Variants in UTP4 observed in about 807,000 individuals in gnomAD.
UTP4 encodes U3 small nucleolar RNA-associated protein 4 homolog.
Under a neutral mutation model 82.4 loss-of-function variants are expected in UTP4, and 45 were observed. The observed-to-expected ratio is 0.55, with a 90% confidence interval of 0.43 to 0.70. UTP4 has a LOEUF of 0.70. Among genes scored for constraint, UTP4 ranks in the 30% least tolerant of loss-of-function variants. The pLI, the probability that UTP4 is intolerant of heterozygous loss-of-function variation, is 0.00. For synonymous variants in UTP4, 348 were observed against 300.3 expected, an observed-to-expected ratio of 1.16 and a Z score of -1.64; for missense variants, 819 against 858.3, an observed-to-expected ratio of 0.95 and a Z score of 0.57.
intron 14 of UTP4, 27 bp downstream of exon 14, chr16:69,163,205 TC>T: frequency 6.4e-7 from 1 of 1,553,248 alleles, no homozygotes; most frequent in Non-Finnish European, 8.9e-7. Flanking sequence ...TGCTTTCTAT[TC>T]CCTTCCTGCT....
At chr16:69,147,297 A>G (rs1963145305) in intron 6 of UTP4, among the ~76,000 whole-genome samples, 1 of 151,698 alleles carries the variant, frequency 6.6e-6, no homozygotes, top group Non-Finnish European at 1.5e-5. Flanking sequence ...TGAGCTCAGG[A>G]GTTCCAGACC....
At chr16:69,157,059 GC>G (rs1567378372) in intron 11 of UTP4, 24 bp from the exon 12 acceptor site, 2 of 1,613,792 alleles carry the variant, frequency 1.2e-6, no homozygotes, top group Non-Finnish European at 8.5e-7. Context: ...TCTCTCACTG[GC>G]TTTTATTATT....
Position 69,139,911 on chromosome 16 carries a change from T to C in UTP4, c.523T>C (p.Ser175Pro). 1 of 1,609,290 alleles carries C rather than the reference T, an allele frequency of 6.2e-7. No individual in the cohort carries two copies. Among genetic ancestry groups the C allele is most frequent in the Non-Finnish European group, 8.5e-7 (1 of 1,175,582 alleles). Residue 175 changes from serine (S) to proline (P), a missense_variant, in exon 5 of 17, where the codon TCA (serine) becomes CCA (proline). By Grantham distance (74) the Ser-to-Pro change is moderately conservative (BLOSUM62 -1). Transcript: ENST00000314423. ...IDYISVFDVKSGSAVHKMIVD... is the reference protein window; with the variant it reads ...IDYISVFDVKPGSAVHKMIVD... ...CTACATTAGTGTGTTTGATGTCAAA[T>C]CAGGTGATTGTTTTTTTCAGTTCAT... is the stretch of plus-strand genomic sequence containing the variant.
At chr16:69,168,390 T>C (rs1408887458) in intron 16 of UTP4, among the ~76,000 whole-genome samples, 2 of 134,968 alleles carry the variant, frequency 1.5e-5, no homozygotes, top group Non-Finnish European at 3.1e-5. Flanking sequence ...GAGCCGAGAT[T>C]GCGCCACTGC....
At chr16:69,155,547 C>A (rs1467657415) in intron 10 of UTP4, among the ~76,000 whole-genome samples, 1 of 152,122 alleles carries the variant, frequency 6.6e-6, no homozygotes, top group Non-Finnish European at 1.5e-5. Context: ...TACTTCAAAC[C>A]ACCTATCCTC....
intron 8 of UTP4, among the ~76,000 whole-genome samples, chr16:69,152,458 G>GTTTTT (rs1963297668): frequency 8.1e-6 from 1 of 123,436 alleles, no homozygotes; most frequent in African/African-American, 3.1e-5. Flanking sequence ...GCTAATTTCT[G>GTTTTT]TTTTTCTTTT....
chr16:69,140,556 A>C (rs1962931996), intron 5 of UTP4, among the ~76,000 whole-genome samples: 1 of 152,032 alleles, frequency 6.6e-6, no homozygotes. Flanking sequence ...TCTCTACTAA[A>C]AATACAAAAT....
intron 2 of UTP4, among the ~76,000 whole-genome samples, chr16:69,135,381 T>C (rs967050116): frequency 6.6e-6 from 1 of 152,068 alleles, no homozygotes; most frequent in African/African-American, 2.4e-5. Flanking sequence ...TGCTTAGCTC[T>C]GTCAGTGACT....
At chr16:69,156,154 C>CCTTT (rs1963407501) in intron 11 of UTP4, among the ~76,000 whole-genome samples, 161 bp downstream of exon 11, 1 of 130,476 alleles carries the variant, frequency 7.7e-6, no homozygotes, top group Non-Finnish European at 1.6e-5. Context: ...TTCTTTCTTT[C>CCTTT]TTTTTTTTTT....
chr16:69,150,425 G>C, intron 6 of UTP4, 112 bp from the exon 7 acceptor site: 1 of 1,180,094 alleles, frequency 8.5e-7, no homozygotes, highest in South Asian at 1.2e-5. Context: ...CTTTCCTACT[G>C]ATTCTGGGCA....
intron 6 of UTP4, among the ~76,000 whole-genome samples, chr16:69,145,830 G>A (rs181373941): frequency 2.0e-5 from 3 of 152,268 alleles, no homozygotes; most frequent in Admixed American, 2.0e-4. Context: ...AGGCTTTGGA[G>A]CCAGATGGCC....
intron 13 of UTP4, among the ~76,000 whole-genome samples, chr16:69,162,877 C>T (rs1963599280): frequency 7.0e-6 from 1 of 143,696 alleles, no homozygotes; most frequent in Admixed American, 7.1e-5. Flanking sequence ...GTGACAAGAG[C>T]GAAACTCCAT....
At chr16:69,141,269 C>T (rs1361386760) in intron 5 of UTP4, among the ~76,000 whole-genome samples, 1 of 152,214 alleles carries the variant, frequency 6.6e-6, no homozygotes, top group Non-Finnish European at 1.5e-5. Context: ...TCCTTTGCTT[C>T]TCTATCGGAT....
rs765347755 is a variant in UTP4 at position 69,153,599 on chromosome 16, T to G, written c.1018T>G (p.Cys340Gly). The G allele has an allele frequency of 6.2e-7, 1 of 1,613,084 alleles. No individual in the cohort carries two copies. Among genetic ancestry groups the G allele is most frequent in the African/African-American group, 1.3e-5 (1 of 75,054 alleles). Reference sequence around the variant, plus strand: ...TTGGATATAGCGATGTCTCATCTCCTGTTCTAAAAAGAGGCAGCTTCTCCT... The same window carrying G: ...TTGGATATAGCGATGTCTCATCTCCGGTTCTAAAAAGAGGCAGCTTCTCCT... Reference protein sequence around the residue: ...ITFPHRCLISCSKKRQLLLFQ... With the variant: ...ITFPHRCLISGSKKRQLLLFQ... The change falls in exon 9 of 17, where the codon TGT becomes GGT. Residue 340 changes from cysteine to glycine, a missense_variant. Physicochemically the swap from Cys to Gly is radical, Grantham distance 159 (BLOSUM62 -3). Coordinates refer to ENST00000314423, the MANE Select transcript of UTP4 (RefSeq NM_032830.3).
intron 11 of UTP4, 104 bp from the exon 12 acceptor site, chr16:69,156,980 T>G: frequency 8.2e-7 from 1 of 1,220,868 alleles, no homozygotes; most frequent in Non-Finnish European, 1.2e-6. Context: ...TTGGCTTACT[T>G]AGAGACAGGA....
chr16:69,147,220 T>G lies in UTP4; in HGVS notation c.739-3317T>G, dbSNP rs555543079. Among the ~76,000 whole-genome samples, 28 of 142,648 alleles carry G rather than the reference T, an allele frequency of 2.0e-4. No individual in the cohort carries two copies. In the South Asian group the frequency reaches 6.2e-3, roughly 32 times the overall value. 93.6% of individuals were successfully genotyped at this position (142,648 alleles called of 152,430 possible). A position where few individuals can be genotyped will look rare whatever the true frequency, so the allele number is the denominator to read the frequency against. On this transcript the variant is annotated intron_variant, in intron 6 of 16. Transcript: ENST00000314423. Reference sequence around the variant, plus strand: ...ATAATAATAATAATAATAATAATAATAAGCCGGGCGTGGTGACTCACGCCT... The same window carrying G: ...ATAATAATAATAATAATAATAATAAGAAGCCGGGCGTGGTGACTCACGCCT...
At position 69,143,405 on chromosome 16, in the gene UTP4, GT is replaced by G; in HGVS notation, c.738+19del. 6.2e-7 allele frequency: 1 copy of G among 1,610,146 alleles called. No individual in the cohort carries two copies. The highest frequency in any genetic ancestry group is 8.5e-7 in the Non-Finnish European group (1 of 1,176,434). On this transcript the variant is annotated intron_variant, in intron 6 of 16. Transcript: ENST00000314423. ...TGTAGCTGACGTGAGTACAGTCCCT[GT>G]TTAGAGTGGTTGATGTACACCCTTG... is the stretch of plus-strand genomic sequence containing the variant.
rs369790028 is a variant in UTP4, at chr16:69,139,890, A to T, written c.502A>T (p.Ile168Phe). The T allele has an allele frequency of 2.5e-6, 4 of 1,613,346 alleles. No homozygotes were observed. The highest frequency in any genetic ancestry group is 3.4e-6 in the Non-Finnish European group (4 of 1,179,370). ...CATTGCAGCTGGTTCCATAGACTAC[A>T]TTAGTGTGTTTGATGTCAAATCAGG... is the stretch of plus-strand genomic sequence containing the variant. ...THIAAGSIDY[I>F]SVFDVKSGSA... is the part of the protein sequence containing the mutation. The change falls in exon 5 of 17, where the codon ATT becomes TTT. Residue 168 changes from isoleucine (I) to phenylalanine (F), a missense_variant. By Grantham distance (21) the Ile-to-Phe change is conservative (BLOSUM62 0). Coordinates refer to ENST00000314423, the MANE Select transcript of UTP4 (RefSeq NM_032830.3).
intron 9 of UTP4, 41 bp from the exon 10 acceptor site, chr16:69,154,350 CTT>C (rs1252201268): frequency 1.4e-6 from 2 of 1,464,510 alleles, no homozygotes; most frequent in African/African-American, 1.4e-5. Context: ...TACAAATACT[CTT>C]TCTTTCATAA....
Sources: allele counts gnomAD v4.1 joint callset (sites outside exome capture counted in the v4.1 genomes callset), GRCh38; gene constraint gnomAD v4.1.1; transcripts MANE v1.5; gene names NCBI Gene and HGNC (gene_info 2026-07-23, HGNC 2026-07-21).